Variants in HS2ST1 observed in about 807,000 individuals in gnomAD.
HS2ST1 encodes the protein 2-O-sulfotransferase.
HS2ST1 carries 18 observed loss-of-function variants against 42.9 expected under a neutral mutation model. That is an observed-to-expected ratio of 0.42 (90% CI 0.29 to 0.62). HS2ST1 has a LOEUF of 0.62. Ranked by LOEUF, HS2ST1 falls within the 20% of genes least tolerant of loss-of-function variation. HS2ST1 has a pLI of 0.21. For missense variants in HS2ST1, 334 were observed against 433.8 expected (o/e 0.77, Z 2.04); for synonymous variants, 146 against 152.9 (o/e 0.95, Z 0.33).
chr1:86,970,383 A>G (rs1042418358), intron 1 of HS2ST1, among the ~76,000 whole-genome samples: 6 of 152,160 alleles, frequency 3.9e-5, no homozygotes, highest in Non-Finnish European at 8.8e-5. Context: ...AAATTAAAAG[A>G]TTTTAAGCAT....
At chr1:87,085,474 T>C (rs973827045) in intron 3 of HS2ST1, among the ~76,000 whole-genome samples, 1 of 152,216 alleles carries the variant, frequency 6.6e-6, no homozygotes, top group Admixed American at 6.5e-5. Context: ...AAGTGATATG[T>C]TCCTATTTCT....
In HS2ST1 at chr1:86,971,288, AAAAAC is replaced by A. The variant is rs530493574; in HGVS notation, c.124+56153_124+56157del. Among the ~76,000 whole-genome samples, 771 of 152,206 alleles carry A rather than the reference AAAAAC, an allele frequency of 5.1e-3. 7 individuals carry two copies. Among genetic ancestry groups the A allele is most frequent in the African/African-American group, 0.017 (707 of 41,510 alleles). ...CTCCTCTGATTCCTGTCATTATTTA[AAAAAC>A]AAAACAAAACAAAACAAAACAAAAA... On this transcript the variant is annotated intron_variant, in intron 1 of 6. Coordinates refer to ENST00000370550, the MANE Select transcript of HS2ST1 (RefSeq NM_012262.4).
At chr1:86,987,182 G>T (rs1046885447) in intron 1 of HS2ST1, among the ~76,000 whole-genome samples, 2 of 148,984 alleles carry the variant, frequency 1.3e-5, no homozygotes, top group Admixed American at 1.4e-4. Context: ...TGATTCTCCT[G>T]CCTCAGCCCT....
chr1:87,009,153 A>G (rs1169812182), intron 1 of HS2ST1, among the ~76,000 whole-genome samples: 3 of 152,212 alleles, frequency 2.0e-5, no homozygotes, highest in Non-Finnish European at 4.4e-5. Context: ...GTTTGAAATT[A>G]GAAAATTACT....
chr1:86,998,845 A>G (rs984990718), intron 1 of HS2ST1, among the ~76,000 whole-genome samples: 2 of 152,246 alleles, frequency 1.3e-5, no homozygotes, highest in African/African-American at 4.8e-5. Flanking sequence ...ACTGTGGTTC[A>G]TGGACTAGCA....
chr1:87,064,105 T>A (rs1415546532), intron 1 of HS2ST1, among the ~76,000 whole-genome samples: 1 of 152,086 alleles, frequency 6.6e-6, no homozygotes, highest in African/African-American at 2.4e-5. Context: ...GGGGGGCCGG[T>A]TTTTCCTATG....
chr1:87,011,768 C>T (rs1206719766), intron 1 of HS2ST1, among the ~76,000 whole-genome samples: 1 of 152,162 alleles, frequency 6.6e-6, no homozygotes, highest in Non-Finnish European at 1.5e-5. Flanking sequence ...TTTGGTAGCA[C>T]TACAGTCCAA....
At position 87,024,504 on chromosome 1, in the gene HS2ST1, G is replaced by GAA. The variant is rs375286763; in HGVS notation, c.125-48415_125-48414dup. Among the ~76,000 whole-genome samples the GAA allele has an allele frequency of 2.2e-3, 233 of 107,244 alleles. 1 individual carries two copies. Among genetic ancestry groups the GAA allele is most frequent in the African/African-American group, 5.4e-3 (163 of 30,286 alleles). 70.4% of individuals were successfully genotyped at this position (107,244 alleles called of 152,430 possible). A position where few individuals can be genotyped will look rare whatever the true frequency, so the allele number is the denominator to read the frequency against. On this transcript the variant is annotated intron_variant, in intron 1 of 6. Coordinates refer to ENST00000370550, the MANE Select transcript of HS2ST1 (RefSeq NM_012262.4). ...CGACAGAGTGAGACTCCGTCTCAAA[G>GAA]AAAAAAAAAAAAAAAACAGGAAAAG...
chr1:86,957,869 A>C (rs1364057166), intron 1 of HS2ST1, among the ~76,000 whole-genome samples: 1 of 147,926 alleles, frequency 6.8e-6, no homozygotes, highest in African/African-American at 2.5e-5. Context: ...CTCTCAGCTC[A>C]CTGCAAACTC....
chr1:87,025,965 G>A (rs1650077399), intron 1 of HS2ST1, among the ~76,000 whole-genome samples: 1 of 152,140 alleles, frequency 6.6e-6, no homozygotes, highest in Non-Finnish European at 1.5e-5. Context: ...GTAGAGCTGA[G>A]GCTGTTTCTA....
chr1:86,927,482 G>A (rs1012055395), intron 1 of HS2ST1, among the ~76,000 whole-genome samples: 3 of 152,058 alleles, frequency 2.0e-5, no homozygotes, highest in East Asian at 1.9e-4. Flanking sequence ...GGATTTAGAG[G>A]GAAAGTAATG....
At chr1:87,049,170 T>C (rs1650770690) in intron 1 of HS2ST1, among the ~76,000 whole-genome samples, 1 of 152,060 alleles carries the variant, frequency 6.6e-6, no homozygotes, top group African/African-American at 2.4e-5. Context: ...TTTCAAGGAA[T>C]TTAGCAATTT....
chr1:87,046,899 G>T (rs973992052), intron 1 of HS2ST1, among the ~76,000 whole-genome samples: 10 of 149,006 alleles, frequency 6.7e-5, no homozygotes, highest in African/African-American at 2.5e-4. Context: ...GTAGAGACGG[G>T]CTTTCACCAT....
chr1:87,013,733 T>A (rs1303551435), intron 1 of HS2ST1, among the ~76,000 whole-genome samples: 1 of 152,232 alleles, frequency 6.6e-6, no homozygotes, highest in African/African-American at 2.4e-5. Context: ...TAAGTTCTGA[T>A]TCCAAACCAT....
At chr1:86,960,171 A>G in intron 1 of HS2ST1, among the ~76,000 whole-genome samples, 1 of 146,348 alleles carries the variant, frequency 6.8e-6, no homozygotes, top group Non-Finnish European at 1.5e-5. Flanking sequence ...AAAAACGGTA[A>G]TTTTTTCCAC....
chr1:86,969,923 C>T (rs1032777257), intron 1 of HS2ST1, among the ~76,000 whole-genome samples: 1 of 151,866 alleles, frequency 6.6e-6, no homozygotes, highest in Non-Finnish European at 1.5e-5. Flanking sequence ...GTCAGGAGTT[C>T]GAGACCAGCC....
At chr1:87,063,122 A>G (rs564665853) in intron 1 of HS2ST1, among the ~76,000 whole-genome samples, 1 of 152,168 alleles carries the variant, frequency 6.6e-6, no homozygotes, top group Non-Finnish European at 1.5e-5. Context: ...TATTCTTTTA[A>G]GACTCTGTGA....
At chr1:87,065,295 A>C (rs1651221116) in intron 1 of HS2ST1, among the ~76,000 whole-genome samples, 1 of 152,244 alleles carries the variant, frequency 6.6e-6, no homozygotes, top group Admixed American at 6.5e-5. Context: ...ATTTAATGGC[A>C]CTGAGCTTTT....
chr1:87,003,678 G>T (rs1461461586), intron 1 of HS2ST1, among the ~76,000 whole-genome samples: 1 of 151,128 alleles, frequency 6.6e-6, no homozygotes, highest in Non-Finnish European at 1.5e-5. Flanking sequence ...TCAGAGAAAG[G>T]ATGGTTGCTT....
Sources: allele counts gnomAD v4.1 joint callset (sites outside exome capture counted in the v4.1 genomes callset), GRCh38; gene constraint gnomAD v4.1.1; transcripts MANE v1.5; gene names NCBI Gene and HGNC (gene_info 2026-07-23, HGNC 2026-07-21).